Variants in ACTG2 observed in about 807,000 individuals in gnomAD.
The protein encoded by ACTG2 is actin, gamma-enteric smooth muscle.
In ACTG2, 16 loss-of-function variants were observed where a neutral mutation model predicts 37.6. The ratio of observed to expected loss-of-function variants is 0.43; its 90% CI spans 0.29 to 0.65. The LOEUF (loss-of-function observed/expected upper bound fraction) is 0.65. ACTG2 is among the 30% of genes least tolerant of loss of function. ACTG2 has a pLI of 0.18. For synonymous variants in ACTG2, 181 were observed against 179.9 expected (o/e 1.01, Z -0.05); for missense variants, 238 against 490.9 (o/e 0.48, Z 4.87).
At chr2:73,900,049 C>T (rs1185526013) in intron 1 of ACTG2, among the ~76,000 whole-genome samples, 1 of 152,220 alleles carries the variant, frequency 6.6e-6, no homozygotes, top group African/African-American at 2.4e-5. Context: ...CTCTGTCCAG[C>T]TTCTGCATGA....
intron 1 of ACTG2, among the ~76,000 whole-genome samples, chr2:73,899,973 C>A (rs896626478): frequency 3.3e-5 from 5 of 152,182 alleles, no homozygotes; most frequent in South Asian, 4.1e-4. Flanking sequence ...TCAGCATCTA[C>A]CTAGCCTTCA....
chr2:73,894,580 G>C (rs1047738939), intron 1 of ACTG2, among the ~76,000 whole-genome samples: 1 of 152,134 alleles, frequency 6.6e-6, no homozygotes, highest in Admixed American at 6.5e-5. Flanking sequence ...GCAGTTACTG[G>C]AAGAGACAGA....
chr2:73,917,993 G>A (rs1267319693), intron 8 of ACTG2, among the ~76,000 whole-genome samples: 1 of 152,214 alleles, frequency 6.6e-6, no homozygotes, highest in Non-Finnish European at 1.5e-5. Context: ...GTGATCTGAT[G>A]CATTTCCCAA....
Position 73,914,759 on chromosome 2 carries a change from A to G in ACTG2, c.693A>G (p.Ala231=). The G allele has an allele frequency of 1.2e-6, 2 of 1,612,924 alleles. No homozygotes were observed. Among genetic ancestry groups the G allele is most frequent in the Non-Finnish European group, 1.7e-6 (2 of 1,179,372 alleles). The change falls in exon 7 of 9, where the codon GCA becomes GCG. Residue 231 remains alanine, a synonymous_variant. Coordinates refer to ENST00000345517, the MANE Select transcript of ACTG2 (RefSeq NM_001615.4). The stretch of plus-strand genomic sequence containing the variant: ...ATTTTGAGAATGAGATGGCCACAGC[A>G]GCTTCCTCTTCCTCCCTGGAGAAGA... ...ALDFENEMAT[A]ASSSSLEKSY...
chr2:73,919,375 C>A, intron 8 of ACTG2, 57 bp from the exon 9 acceptor site: 1 of 1,558,254 alleles, frequency 6.4e-7, no homozygotes, highest in Non-Finnish European at 8.7e-7. Flanking sequence ...GATTTTTGGA[C>A]CACCTTGCTT....
intron 3 of ACTG2, 31 bp downstream of exon 3, chr2:73,902,519 C>CT (rs1679913859): frequency 1.2e-6 from 2 of 1,613,152 alleles, no homozygotes; most frequent in Non-Finnish European, 1.7e-6. Context: ...AATGAGCCTG[C>CT]TTTAATGATC....
intron 3 of ACTG2, among the ~76,000 whole-genome samples, chr2:73,906,550 A>G (rs1680020650): frequency 6.6e-6 from 1 of 152,160 alleles, no homozygotes; most frequent in Non-Finnish European, 1.5e-5. Context: ...GTGCAGTCAT[A>G]ACTCACTGTG....
intron 2 of ACTG2, 95 bp downstream of exon 2, chr2:73,901,532 A>ATGTGTGTGTGTGTGTGTGTGTG: frequency 8.8e-7 from 1 of 1,142,598 alleles, no homozygotes; most frequent in South Asian, 1.6e-5. Flanking sequence ...GGGGAAGGAA[A>ATGTGTGTGTGTGTGTGTGTGTG]TGTGTGTGTG....
At chr2:73,913,675 G>A (rs2104821249) in intron 6 of ACTG2, 29 bp downstream of exon 6, 1 of 1,582,342 alleles carries the variant, frequency 6.3e-7, no homozygotes, top group Non-Finnish European at 8.6e-7. Context: ...GATTCTGACT[G>A]GAGCTCAGAA....
Position 73,901,670 on chromosome 2 carries a change from G to C in ACTG2, c.126+233G>C, listed in dbSNP as rs148146087. Reference sequence around the variant, plus strand: ...AGTTCTTTTCTGATTAACTGATAGAGCAGGACCCTTTAAATAGAAATATCC... The same window carrying C: ...AGTTCTTTTCTGATTAACTGATAGACCAGGACCCTTTAAATAGAAATATCC... On this transcript the variant is annotated intron_variant, in intron 2 of 8. Coordinates refer to ENST00000345517, the MANE Select transcript of ACTG2 (RefSeq NM_001615.4). The C allele has an allele frequency of 9.2e-4, 633 of 686,722 alleles. 10 individuals carry two copies. The African/African-American group carries it at 0.011, about 12-fold the overall frequency. The allele number at this position is 686,722 out of a possible 1,614,324, so 42.5% of individuals were successfully genotyped here. A position where few individuals can be genotyped will look rare whatever the true frequency, so the allele number is the denominator to read the frequency against.
intron 6 of ACTG2, 117 bp from the exon 7 acceptor site, chr2:73,914,556 CTCAAAAA>C: frequency 1.6e-6 from 1 of 631,104 alleles, no homozygotes; most frequent in South Asian, 3.6e-5. Flanking sequence ...GAGACTCTGT[CTCAAAAA>C]AAAAAAAAAA....
At chr2:73,904,739 TTGTGTGTGTGTG>T (rs370499600) in intron 3 of ACTG2, among the ~76,000 whole-genome samples, 31 of 103,812 alleles carry the variant, frequency 3.0e-4, no homozygotes, top group African/African-American at 9.5e-4. Context: ...CTATAAATCA[TTGTGTGTGTGTG>T]TGTGTGTGTG....
At chr2:73,904,080 A>G (rs1315914539) in intron 3 of ACTG2, among the ~76,000 whole-genome samples, 1 of 151,470 alleles carries the variant, frequency 6.6e-6, no homozygotes, top group Non-Finnish European at 1.5e-5. Context: ...CCCTATCTCT[A>G]TGAAATAAAA....
In ACTG2 at chr2:73,901,731, C is replaced by G. The variant is rs114113534; in HGVS notation, c.126+294C>G. 5.7e-4 allele frequency: 232 copies of G among 409,068 alleles called. 3 individuals are homozygous for G. Among genetic ancestry groups the G allele is most frequent in the African/African-American group, 4.4e-3 (213 of 48,390 alleles). 25.3% of individuals were successfully genotyped at this position (409,068 alleles called of 1,614,324 possible). ...CCAACATACATCAGGCACACAATGACACTACTATGTCTGGCTTACATTTGG... is the reference window on the plus strand; with the variant it reads ...CCAACATACATCAGGCACACAATGAGACTACTATGTCTGGCTTACATTTGG... On this transcript the variant is annotated intron_variant, in intron 2 of 8. Transcript: ENST00000345517.
At chr2:73,914,942 A>G in intron 7 of ACTG2, 71 bp downstream of exon 7, 1 of 1,316,400 alleles carries the variant, frequency 7.6e-7, no homozygotes, top group Non-Finnish European at 1.0e-6. Flanking sequence ...GTATGGAGAG[A>G]GAAACACCAG....
chr2:73,902,196 T>A (rs972144835), intron 2 of ACTG2, among the ~76,000 whole-genome samples, 164 bp from the exon 3 acceptor site: 4 of 152,144 alleles, frequency 2.6e-5, no homozygotes, highest in African/African-American at 9.7e-5. Context: ...GACACCTTCA[T>A]ACTCACTGGC....
At chr2:73,902,656 A>T in intron 3 of ACTG2, 168 bp downstream of exon 3, 1 of 1,552,080 alleles carries the variant, frequency 6.4e-7, no homozygotes, top group Non-Finnish European at 8.7e-7. Flanking sequence ...TAGGCTGCCA[A>T]CATCTCTCCC....
At chr2:73,895,798 T>C (rs1027279241) in intron 1 of ACTG2, among the ~76,000 whole-genome samples, 1 of 152,238 alleles carries the variant, frequency 6.6e-6, no homozygotes, top group Non-Finnish European at 1.5e-5. Flanking sequence ...CATTATTCTT[T>C]ACAGCCCTTG....
intron 8 of ACTG2, among the ~76,000 whole-genome samples, chr2:73,917,192 T>TAAAC (rs1318803844): frequency 6.6e-6 from 1 of 151,262 alleles, no homozygotes; most frequent in African/African-American, 2.4e-5. Flanking sequence ...TCTCTAAAAA[T>TAAAC]AAATAAATAA....
Sources: gnomAD v4.1 joint callset for allele counts (sites outside exome capture counted in the v4.1 genomes callset) on GRCh38, gnomAD v4.1.1 for gene constraint, MANE v1.5 for transcripts, NCBI Gene and HGNC (gene_info 2026-07-23, HGNC 2026-07-21) for gene names.